ARHGEF10L: variants seen among roughly 807,000 people sequenced by gnomAD.
The protein encoded by ARHGEF10L is Rho guanine nucleotide exchange factor 10 like, also known as rho guanine nucleotide exchange factor 10-like protein.
A neutral mutation model predicts 141.2 loss-of-function variants in ARHGEF10L; 69 were observed. That is an observed-to-expected ratio of 0.49 (90% CI 0.40 to 0.60). The LOEUF (loss-of-function observed/expected upper bound fraction) is 0.60, where lower values mean the gene tolerates loss of function less well. Among genes scored for constraint, ARHGEF10L ranks in the 20% least tolerant of loss-of-function variants. The pLI is 0.00. For missense variants in ARHGEF10L, 1,482 were observed against 1,734.3 expected (o/e 0.85, Z 2.58); for synonymous variants, 711 against 718.5 (o/e 0.99, Z 0.17).
intron 26 of ARHGEF10L, among the ~76,000 whole-genome samples, chr1:17,678,871 G>C (rs2102389248): frequency 6.6e-6 from 1 of 152,356 alleles, no homozygotes; most frequent in South Asian, 2.1e-4. Context: ...TTAGTAACAA[G>C]TAGGCCTTAC....
intron 1 of ARHGEF10L, among the ~76,000 whole-genome samples, chr1:17,545,198 G>A (rs182213268): frequency 7.2e-4 from 110 of 152,304 alleles, no homozygotes; most frequent in African/African-American, 2.6e-3. Flanking sequence ...ATTGGCCAGA[G>A]TGAGAGTATT....
chr1:17,661,322 G>T (rs55851945), intron 25 of ARHGEF10L, among the ~76,000 whole-genome samples: 4,129 of 152,302 alleles, frequency 0.027, 79 homozygotes, highest in Non-Finnish European at 0.041. Flanking sequence ...AGGTGATCCG[G>T]CCGCCCCGGC....
chr1:17,562,704 A>C (rs2077590126), intron 1 of ARHGEF10L, among the ~76,000 whole-genome samples: 1 of 152,208 alleles, frequency 6.6e-6, no homozygotes, highest in Non-Finnish European at 1.5e-5. Context: ...GAGGTGAGCT[A>C]GTCCCTGGTT....
chr1:17,632,352 T>C lies in ARHGEF10L; in HGVS notation c.1616T>C (p.Leu539Pro), dbSNP rs986094353. Reference sequence around the variant, plus strand: ...ACCTCAGGCCAGCGGCAGCTGCTCCTGTGTGAGACGTTGACGGAGACCGTG... The same window carrying C: ...ACCTCAGGCCAGCGGCAGCTGCTCCCGTGTGAGACGTTGACGGAGACCGTG... ...LLTSGQRQLL[L>P]CETLTETVYG... The change falls in exon 16 of 29, where the codon CTG becomes CCG. Residue 539 changes from leucine (L) to proline (P), a missense_variant. Coordinates refer to ENST00000361221, the MANE Select transcript of ARHGEF10L (RefSeq NM_018125.4). 1.2e-6 allele frequency: 2 copies of C among 1,614,040 alleles called. No homozygotes were observed. The highest frequency in any genetic ancestry group is 1.7e-6 in the Non-Finnish European group (2 of 1,180,026).
At chr1:17,523,084 ATTTTT>A in the ARHGEF10L span, among the ~76,000 whole-genome samples, 2 of 115,468 alleles carry the variant, frequency 1.7e-5, no homozygotes, top group Admixed American at 9.9e-5. Context: ...TTTGTTTTCC[ATTTTT>A]TTTTTTTTTT....
intron 16 of ARHGEF10L, chr1:17,634,207 C>G (rs895860198): frequency 4.5e-6 from 2 of 444,358 alleles, no homozygotes; most frequent in African/African-American, 4.1e-5. Flanking sequence ...TCTCTGCCTT[C>G]ATGTTGCTCT....
At position 17,540,213 on chromosome 1, in the gene ARHGEF10L, T is replaced by TTG. The variant is rs148507632; in HGVS notation, c.-44+276_-44+277dup. Among the ~76,000 whole-genome samples the TTG allele has an allele frequency of 9.2e-5, 14 of 151,538 alleles. No individual in the cohort carries two copies. In the East Asian group the frequency reaches 9.9e-4, roughly 11 times the overall value. On this transcript the variant is annotated intron_variant, in intron 1 of 28. Transcript: ENST00000361221. The stretch of plus-strand genomic sequence containing the variant: ...GGGCGAGTGGCCTTTGTGCTTCAGC[T>TTG]TGTGTGTGTGTGTGGCCTCCAGCCG...
intron 4 of ARHGEF10L, among the ~76,000 whole-genome samples, chr1:17,599,995 C>A (rs940802080): frequency 2.6e-5 from 4 of 152,230 alleles, no homozygotes. Context: ...GGAGCATTCT[C>A]GCCACCACCA....
At chr1:17,640,021 T>C (rs1571174133) in intron 20 of ARHGEF10L, 181 bp from the exon 21 acceptor site, 1 of 1,468,982 alleles carries the variant, frequency 6.8e-7, no homozygotes. Context: ...GAGGGATTCC[T>C]CCCCCAGGGG....
rs908047290 is a variant in ARHGEF10L, at chr1:17,627,001, C to T, written c.1411-329C>T. On this transcript the variant is annotated intron_variant, in intron 14 of 28. Coordinates refer to ENST00000361221, the MANE Select transcript of ARHGEF10L (RefSeq NM_018125.4). The surrounding 1 kb of genome is among the most constrained non-coding windows in gnomAD (Gnocchi z 4.0). ...ATGGAGAGACCACATTTTGTTTACG[C>T]GTTAGTCTGTCGACGGACATTTTTG... 4.6e-5 allele frequency among the ~76,000 whole-genome samples: 7 copies of T among 152,218 alleles called. No individual in the cohort carries two copies. Among genetic ancestry groups the T allele is most frequent in the South Asian group, 2.1e-4 (1 of 4,830 alleles).
At chr1:17,645,666 A>G (rs2061557650) in intron 21 of ARHGEF10L, among the ~76,000 whole-genome samples, 1 of 152,204 alleles carries the variant, frequency 6.6e-6, no homozygotes, top group Admixed American at 6.5e-5. Flanking sequence ...AAGAGGCAGC[A>G]TGGCGAGCGC....
intron 10 of ARHGEF10L, among the ~76,000 whole-genome samples, chr1:17,620,448 C>T (rs1262349276): frequency 6.6e-6 from 1 of 152,196 alleles, no homozygotes; most frequent in Non-Finnish European, 1.5e-5. Flanking sequence ...GACAGCCCCA[C>T]TATGGGGAGT....
At chr1:17,640,610 A>G (rs1337857414) in intron 21 of ARHGEF10L, among the ~76,000 whole-genome samples, 1 of 152,206 alleles carries the variant, frequency 6.6e-6, no homozygotes, top group Non-Finnish European at 1.5e-5. Context: ...AATGACTGCT[A>G]GACTGCTAGG....
chr1:17,524,961 C>T, the ARHGEF10L span, among the ~76,000 whole-genome samples: 1 of 152,208 alleles, frequency 6.6e-6, no homozygotes, highest in Admixed American at 6.5e-5. Flanking sequence ...CCTGCTCAGG[C>T]CTGCTCCCAT....
intron 10 of ARHGEF10L, among the ~76,000 whole-genome samples, chr1:17,620,838 C>T (rs917477653): frequency 6.6e-6 from 1 of 152,158 alleles, no homozygotes; most frequent in South Asian, 2.1e-4. Context: ...CTTTGCTGCA[C>T]AATAGAGCCA....
At chr1:17,531,948 C>T in the ARHGEF10L span, among the ~76,000 whole-genome samples, 1 of 152,186 alleles carries the variant, frequency 6.6e-6, no homozygotes, top group Admixed American at 6.5e-5. Context: ...AGGCTGCAGC[C>T]ATGGCCAGGC....
chr1:17,683,437 C>T (rs768179044), intron 26 of ARHGEF10L, among the ~76,000 whole-genome samples: 1 of 152,024 alleles, frequency 6.6e-6, no homozygotes, highest in Non-Finnish European at 1.5e-5. Flanking sequence ...GTGCTCACTG[C>T]CCCCTGCTCT....
the ARHGEF10L span, among the ~76,000 whole-genome samples, chr1:17,520,283 G>A: frequency 1.3e-5 from 2 of 152,176 alleles, no homozygotes; most frequent in Non-Finnish European, 2.9e-5. Flanking sequence ...GGGCAAGTGA[G>A]TGACTCACAC....
intron 27 of ARHGEF10L, among the ~76,000 whole-genome samples, chr1:17,690,227 G>C (rs2064998844): frequency 6.6e-6 from 1 of 152,226 alleles, no homozygotes; most frequent in South Asian, 2.1e-4. Flanking sequence ...ATTTGAGTCA[G>C]CTTGGCCATG....
Sources: gnomAD v4.1 joint callset for allele counts (sites outside exome capture counted in the v4.1 genomes callset) on GRCh38, gnomAD v4.1.1 for gene constraint, Gnocchi (gnomAD v3.1) non-coding constraint, MANE v1.5 for transcripts, NCBI Gene and HGNC (gene_info 2026-07-23, HGNC 2026-07-21) for gene names.